The following GLIPR1L2 variants were observed in gnomAD, a reference collection of about 807,000 sequenced individuals.
GLIPR1L2 encodes the protein GLIPR1 like 2, also known as GLIPR1-like protein 2.
Under a neutral mutation model 28.4 loss-of-function variants are expected in GLIPR1L2, and 21 were observed. That is an observed-to-expected ratio of 0.74 (90% confidence interval 0.52 to 1.06). The LOEUF is 1.06. Ranked by LOEUF, GLIPR1L2 falls within the 50% of genes least tolerant of loss-of-function variation. The pLI is 0.00. For synonymous variants in GLIPR1L2, 145 were observed against 139.3 expected (o/e 1.04, Z -0.29); for missense variants, 476 against 416.9 (o/e 1.14, Z -1.23).
intron 4 of GLIPR1L2, 39 bp downstream of exon 4, chr12:75,423,028 G>T: frequency 6.3e-7 from 1 of 1,576,614 alleles, no homozygotes; most frequent in Non-Finnish European, 8.7e-7. Flanking sequence ...AATGCATAAT[G>T]GATTGGACAA....
chr12:75,413,536 T>A (rs2045892775), intron 2 of GLIPR1L2, 62 bp from the exon 3 acceptor site: 1 of 880,852 alleles, frequency 1.1e-6, no homozygotes, highest in South Asian at 1.6e-5. Flanking sequence ...TATTATTGTT[T>A]ATAATATGAA....
chr12:75,405,837 A>C (rs1018193701), intron 1 of GLIPR1L2, among the ~76,000 whole-genome samples: 3 of 152,180 alleles, frequency 2.0e-5, no homozygotes, highest in African/African-American at 7.2e-5. Context: ...AAGCTGGCTA[A>C]GACCAAATGG....
At chr12:75,421,677 G>A (rs12427314) in intron 3 of GLIPR1L2, among the ~76,000 whole-genome samples, 2 of 151,798 alleles carry the variant, frequency 1.3e-5, no homozygotes. Flanking sequence ...AAGTACTTTA[G>A]GGCCTTTTTT....
intron 1 of GLIPR1L2, among the ~76,000 whole-genome samples, chr12:75,398,976 T>C (rs1393851579): frequency 6.6e-6 from 1 of 152,206 alleles, no homozygotes; most frequent in Admixed American, 6.5e-5. Flanking sequence ...GGTTTTTCAT[T>C]CAAAACTATA....
In GLIPR1L2 at chr12:75,431,039, G is replaced by T; in HGVS notation, c.913G>T (p.Glu305Ter). Reference protein sequence around the residue: ...EAGNEEEEKEEEKKEKEEMEM... With the variant: ...EAGNEEEEKE ...AGGGAATGAAGAGGAGGAAAAAGAGGAAGAGAAGAAAGAGAAAGAGGAAAT... is the reference window on the plus strand; with the variant it reads ...AGGGAATGAAGAGGAGGAAAAAGAGTAAGAGAAGAAAGAGAAAGAGGAAAT... Residue 305 changes from glutamate (E) to a stop codon, truncating the protein, a stop_gained, in exon 6 of 6, where the codon GAA becomes TAA. Coordinates refer to ENST00000550916, the MANE Select transcript of GLIPR1L2 (RefSeq NM_001270396.2). LOFTEE classifies it low-confidence loss of function (END_TRUNC). 6.6e-7 allele frequency: 1 copy of T among 1,505,428 alleles called. No individual in the cohort carries two copies. Among genetic ancestry groups the T allele is most frequent in the Non-Finnish European group, 8.9e-7 (1 of 1,119,162 alleles). The allele number at this position is 1,505,428 out of a possible 1,614,324, so 93.3% of individuals were successfully genotyped here.
At chr12:75,424,231 T>G (rs2046010000) in intron 4 of GLIPR1L2, among the ~76,000 whole-genome samples, 1 of 152,216 alleles carries the variant, frequency 6.6e-6, no homozygotes, top group South Asian at 2.1e-4. Context: ...CAGCATCTGT[T>G]GGTTCCTGAC....
intron 4 of GLIPR1L2, 194 bp downstream of exon 4, chr12:75,423,183 T>G: frequency 6.9e-7 from 1 of 1,439,998 alleles, no homozygotes; most frequent in Non-Finnish European, 9.1e-7. Flanking sequence ...TTCTGTTCTA[T>G]CTTAACCCTA....
intron 1 of GLIPR1L2, among the ~76,000 whole-genome samples, chr12:75,404,533 C>G (rs1228645267): frequency 1.3e-5 from 2 of 151,860 alleles, no homozygotes; most frequent in South Asian, 4.1e-4. Flanking sequence ...CTTGGGTTTA[C>G]TAAGTCAAAT....
intron 1 of GLIPR1L2, among the ~76,000 whole-genome samples, chr12:75,400,230 TG>T (rs1341080211): frequency 4.6e-5 from 7 of 152,202 alleles, no homozygotes; most frequent in Non-Finnish European, 7.3e-5. Context: ...GCCATTCTCC[TG>T]CCTCAGCCTC....
At position 75,391,168 on chromosome 12, in the gene GLIPR1L2, C is replaced by G. The variant is rs771804298; in HGVS notation, c.52C>G (p.Leu18Val). The G allele has an allele frequency of 3.3e-5, 54 of 1,614,116 alleles. 1 individual carries two copies. The highest frequency in any genetic ancestry group is 4.5e-5 in the Non-Finnish European group (53 of 1,180,046). The change falls in exon 1 of 6, where the codon CTG (leucine) becomes GTG (valine). Residue 18 changes from leucine (L) to valine (V), a missense_variant. Coordinates refer to ENST00000550916, the MANE Select transcript of GLIPR1L2 (RefSeq NM_001270396.2). Reference protein sequence around the residue: ...AREWRAQSLPLAVGGVLKLRL... With the variant: ...AREWRAQSLPVAVGGVLKLRL... ...GGAGTGGAGGGCCCAGTCCCTACCCCTGGCAGTAGGGGGCGTTTTGAAGCT... is the reference window on the plus strand; with the variant it reads ...GGAGTGGAGGGCCCAGTCCCTACCCGTGGCAGTAGGGGGCGTTTTGAAGCT...
At position 75,432,630 on chromosome 12, in the gene GLIPR1L2, C is replaced by G. The variant is rs1490777519; in HGVS notation, c.*1469C>G. ...GTTGTATCAATATTCTGTTAAAAACCTGTTCGAAGTAGGGCAAGATGAGAA... is the reference window on the plus strand; with the variant it reads ...GTTGTATCAATATTCTGTTAAAAACGTGTTCGAAGTAGGGCAAGATGAGAA... On this transcript the variant is annotated 3_prime_UTR_variant, in exon 6 of 6. Coordinates refer to ENST00000550916, the MANE Select transcript of GLIPR1L2 (RefSeq NM_001270396.2). The G allele has an allele frequency of 1.3e-5, 2 of 151,698 alleles. No homozygotes were observed. The highest frequency in any genetic ancestry group is 4.8e-5 in the African/African-American group (2 of 41,394). 9.4% of individuals were successfully genotyped at this position (151,698 alleles called of 1,614,324 possible).
chr12:75,427,429 G>A (rs564809606), intron 4 of GLIPR1L2, among the ~76,000 whole-genome samples: 5 of 152,228 alleles, frequency 3.3e-5, no homozygotes, highest in South Asian at 4.2e-4. Context: ...AAGACCAAGC[G>A]CAAAAGGCTA....
chr12:75,392,208 T>C (rs1022022995), intron 1 of GLIPR1L2, among the ~76,000 whole-genome samples: 2 of 152,146 alleles, frequency 1.3e-5, no homozygotes, highest in African/African-American at 4.8e-5. Context: ...ATTTCAGAAA[T>C]GGGATAAATA....
chr12:75,420,984 T>A (rs527539913), intron 3 of GLIPR1L2, among the ~76,000 whole-genome samples: 25 of 152,324 alleles, frequency 1.6e-4, no homozygotes, highest in Admixed American at 4.6e-4. Flanking sequence ...ACACTACAGA[T>A]ATCAGACATT....
In GLIPR1L2 at chr12:75,413,642, A is replaced by G. The variant is rs777203704; in HGVS notation, c.525A>G (p.Pro175=). 3 of 1,569,114 alleles carry G rather than the reference A, an allele frequency of 1.9e-6. No homozygotes were observed. The highest frequency in any genetic ancestry group is 1.2e-5 in the South Asian group (1 of 81,700). The part of the protein sequence containing the change: ...HSYKVGCAVT[P]CSKIGHIIHA... ...ACAAAGTTGGTTGTGCTGTTACTCC[A>G]TGTTCAAAAATTGGACATATTATAC... The change falls in exon 3 of 6, where the codon CCA becomes CCG. Residue 175 remains proline, a synonymous_variant. Transcript: ENST00000550916.
intron 4 of GLIPR1L2, among the ~76,000 whole-genome samples, chr12:75,427,440 A>G (rs1430410047): frequency 6.6e-6 from 1 of 152,222 alleles, no homozygotes; most frequent in Non-Finnish European, 1.5e-5. Context: ...CAAAAGGCTA[A>G]AATAACGGCA....
chr12:75,402,794 T>A (rs1216273078), intron 1 of GLIPR1L2, among the ~76,000 whole-genome samples: 1 of 152,176 alleles, frequency 6.6e-6, no homozygotes, highest in African/African-American at 2.4e-5. Flanking sequence ...GTAGTCAGTT[T>A]AGCAAGAATC....
chr12:75,423,182 A>G (rs2045996932), intron 4 of GLIPR1L2, 193 bp downstream of exon 4: 10 of 1,440,808 alleles, frequency 6.9e-6, no homozygotes, highest in South Asian at 4.6e-5. Context: ...TTTCTGTTCT[A>G]TCTTAACCCT....
intron 2 of GLIPR1L2, among the ~76,000 whole-genome samples, chr12:75,413,350 A>T (rs2045890335): frequency 6.8e-6 from 1 of 147,230 alleles, no homozygotes; most frequent in Non-Finnish European, 1.5e-5. Context: ...TATAATAATA[A>T]TAAAATAAAA....
Sources: allele counts gnomAD v4.1 joint callset (sites outside exome capture counted in the v4.1 genomes callset), GRCh38; gene constraint gnomAD v4.1.1; transcripts MANE v1.5; gene names NCBI Gene and HGNC (gene_info 2026-07-23, HGNC 2026-07-21).